SLC6A6: variants seen among roughly 807,000 people sequenced by gnomAD.
SLC6A6 encodes solute carrier family 6 member 6.
Under a neutral mutation model 68.8 loss-of-function variants are expected in SLC6A6, and 16 were observed. The ratio of observed to expected loss-of-function variants is 0.23; its 90% confidence interval spans 0.16 to 0.35. SLC6A6 has a LOEUF of 0.35. SLC6A6 is among the 10% of genes least tolerant of loss of function. The pLI, the probability that SLC6A6 is intolerant of heterozygous loss-of-function variation, is 1.00. For missense variants in SLC6A6, 474 were observed against 802.8 expected (o/e 0.59, Z 4.95); for synonymous variants, 312 against 315.4 (o/e 0.99, Z 0.12).
chr3:14,434,721 C>T (rs1295359626), intron 2 of SLC6A6, among the ~76,000 whole-genome samples: 3 of 152,190 alleles, frequency 2.0e-5, no homozygotes, highest in African/African-American at 7.2e-5. Flanking sequence ...TCATCTGGGG[C>T]AGCGCCAGCC....
chr3:14,461,564 G>A (rs1331756156), intron 6 of SLC6A6, among the ~76,000 whole-genome samples: 2 of 152,208 alleles, frequency 1.3e-5, no homozygotes, highest in African/African-American at 4.8e-5. Flanking sequence ...AGGAGGCCCC[G>A]GAGTGAGCAT....
rs78191018 is a variant in SLC6A6 at position 14,461,281 on chromosome 3, A to G, written c.732+3199A>G. 9.3e-3 allele frequency among the ~76,000 whole-genome samples: 1,415 copies of G among 152,270 alleles called. 22 individuals are homozygous for G. Among genetic ancestry groups the G allele is most frequent in the African/African-American group, 0.032 (1,343 of 41,544 alleles). On this transcript the variant is annotated intron_variant, in intron 6 of 14. Coordinates refer to ENST00000622186, the MANE Select transcript of SLC6A6 (RefSeq NM_003043.6). ...TGCAGTTATTAGTCCCATTTTACAG[A>G]TGGGGAAATTCAGGTTCAAGGAGGC...
intron 1 of SLC6A6, among the ~76,000 whole-genome samples, chr3:14,405,301 C>T (rs906913950): frequency 3.9e-5 from 6 of 152,196 alleles, no homozygotes; most frequent in African/African-American, 1.4e-4. Flanking sequence ...GGTCAGCCCT[C>T]CACAAGGCAG....
chr3:14,472,320 G>A lies in SLC6A6; in HGVS notation c.1209+3G>A. The A allele has an allele frequency of 1.3e-6, 2 of 1,553,556 alleles. No homozygotes were observed. Among genetic ancestry groups the A allele is most frequent in the East Asian group, 2.2e-5 (1 of 44,544 alleles). ...TCTTGCTTGGACTGGATAGCCAGGT[G>A]CGTATAAGGGATGGCCCTGGGGCGA... On this transcript the variant is annotated splice_donor_region_variant and intron_variant, in intron 10 of 14. Transcript: ENST00000622186. The surrounding 1 kb of genome is among the most constrained non-coding windows in gnomAD (Gnocchi z 4.5).
intron 1 of SLC6A6, among the ~76,000 whole-genome samples, chr3:14,405,570 C>A (rs904888595): frequency 1.2e-4 from 19 of 152,236 alleles, no homozygotes; most frequent in African/African-American, 4.6e-4. Flanking sequence ...GCCACCCTGG[C>A]AGGTACATGC....
chr3:14,483,006 G>A lies in SLC6A6; in HGVS notation c.1722+1165G>A, dbSNP rs1701043634. ...CAAAGGGTTCATTAGGGCACAGCAA[G>A]GGGTCTCTAAAGGTTCTGATTGGTC... On this transcript the variant is annotated intron_variant, in intron 14 of 14. Transcript: ENST00000622186. 2.6e-5 allele frequency among the ~76,000 whole-genome samples: 4 copies of A among 152,178 alleles called. No individual in the cohort carries two copies. The South Asian group carries it at 8.3e-4, about 32-fold the overall frequency.
rs1701009821 is a variant in SLC6A6 at position 14,481,634 on chromosome 3, C to G, written c.1552-37C>G. On this transcript the variant is annotated intron_variant, in intron 13 of 14. Transcript: ENST00000622186. This position sits in a 1 kb window ranked among gnomAD's most constrained non-coding sequence, Gnocchi z 4.7. ...CAGAAGCCCCCCACCCCCCGATGCC[C>G]AGGACCCCTCTCCTGACTGCCCCCA... 2 of 1,528,386 alleles carry G rather than the reference C, an allele frequency of 1.3e-6. No homozygotes were observed. Among genetic ancestry groups the G allele is most frequent in the African/African-American group, 1.4e-5 (1 of 73,134 alleles). The allele number at this position is 1,528,386 out of a possible 1,614,324, so 94.7% of individuals were successfully genotyped here.
Position 14,402,689 on chromosome 3 carries a change from C to A in SLC6A6, c.-212C>A. 1 of 398,294 alleles carries A rather than the reference C, an allele frequency of 2.5e-6. No individual in the cohort carries two copies. The highest frequency in any genetic ancestry group is 4.4e-6 in the Non-Finnish European group (1 of 225,844). The allele number at this position is 398,294 out of a possible 1,614,324, so 24.7% of individuals were successfully genotyped here. On this transcript the variant is annotated 5_prime_UTR_variant, in exon 1 of 15. Coordinates refer to ENST00000622186, the MANE Select transcript of SLC6A6 (RefSeq NM_003043.6). The surrounding 1 kb of genome is among the most constrained non-coding windows in gnomAD (Gnocchi z 4.8). ...ACCGCTTCCTTCGCGCCGCCGCCAA[C>A]GCCGAGCCCCGAGGACCGCAAGCCC...
rs763332742 is a variant in SLC6A6, at chr3:14,485,220, A to G, written c.*213A>G. ...TGTTTTGATTTGGGGGATATTTTGT[A>G]CAAAAAGAAAACCCACGGGAAGATG... On this transcript the variant is annotated 3_prime_UTR_variant, in exon 15 of 15. Transcript: ENST00000622186. The G allele has an allele frequency of 5.0e-6, 2 of 402,672 alleles. No individual in the cohort carries two copies. The highest frequency in any genetic ancestry group is 8.8e-6 in the Non-Finnish European group (2 of 227,856). The allele number at this position is 402,672 out of a possible 1,614,324, so 24.9% of individuals were successfully genotyped here. A position where few individuals can be genotyped will look rare whatever the true frequency, so the allele number is the denominator to read the frequency against.
chr3:14,405,382 G>C (rs1156567), intron 1 of SLC6A6, among the ~76,000 whole-genome samples: 112,640 of 152,236 alleles, frequency 0.74, 45,145 homozygotes, highest in South Asian at 0.9. Context: ...GATTTGGGAG[G>C]TGTACTTCTC....
At position 14,481,802 on chromosome 3, in the gene SLC6A6, C is replaced by T. The variant is rs750429596; in HGVS notation, c.1683C>T (p.Ile561=). Residue 561 remains isoleucine, a synonymous_variant, in exon 14 of 15, where the codon ATC becomes ATT. Coordinates refer to ENST00000622186, the MANE Select transcript of SLC6A6 (RefSeq NM_003043.6). This position sits in a 1 kb window ranked among gnomAD's most constrained non-coding sequence, Gnocchi z 4.7. ...CCATGCTCTGCGTTCCCTTGGTCAT[C>T]GTCATCCGCCTCTGCCAGACTGAGG... ...LSSMLCVPLV[I]VIRLCQTEGP... 4.3e-6 allele frequency: 7 copies of T among 1,613,976 alleles called. No homozygotes were observed. The highest frequency in any genetic ancestry group is 3.3e-5 in the Admixed American group (2 of 59,994).
intron 2 of SLC6A6, 34 bp from the exon 3 acceptor site, chr3:14,443,590 C>A: frequency 7.1e-7 from 1 of 1,408,996 alleles, no homozygotes; most frequent in Non-Finnish European, 9.9e-7. Flanking sequence ...GGTCCCTCAT[C>A]AGCTGCAGGA....
chr3:14,409,917 C>G (rs558653063), intron 1 of SLC6A6, among the ~76,000 whole-genome samples: 16 of 152,166 alleles, frequency 1.1e-4, no homozygotes, highest in Admixed American at 6.5e-5. Context: ...GCCAGGCACA[C>G]TGGCTCACGT....
At chr3:14,424,568 G>C (rs907139958) in intron 2 of SLC6A6, among the ~76,000 whole-genome samples, 42 of 152,078 alleles carry the variant, frequency 2.8e-4, no homozygotes, top group Non-Finnish European at 5.7e-4. Context: ...TAGGGGGTGG[G>C]GTTGGGTCTG....
At chr3:14,480,588 T>C (rs1700984567) in intron 13 of SLC6A6, among the ~76,000 whole-genome samples, 1 of 152,226 alleles carries the variant, frequency 6.6e-6, no homozygotes, top group Non-Finnish European at 1.5e-5. Context: ...AGACGTGCAG[T>C]TGGTGCCCAG....
chr3:14,475,256 T>A (rs1389129546), intron 10 of SLC6A6, among the ~76,000 whole-genome samples: 1 of 151,964 alleles, frequency 6.6e-6, no homozygotes, highest in East Asian at 1.9e-4. Context: ...GGTCTCGAAC[T>A]CCTGACCTCA....
In SLC6A6 at chr3:14,450,268, C is replaced by T. The variant is rs75391840; in HGVS notation, c.599+2452C>T. Among the ~76,000 whole-genome samples the T allele has an allele frequency of 0.011, 1,702 of 152,200 alleles. 34 individuals carry two copies. The highest frequency in any genetic ancestry group is 0.039 in the African/African-American group (1,632 of 41,514). ...CCTCAGGTTGGCCAGTCCTCACTCACACCTTCCAGAGGGACCGGGCCCTCG... is the reference window on the plus strand; with the variant it reads ...CCTCAGGTTGGCCAGTCCTCACTCATACCTTCCAGAGGGACCGGGCCCTCG... On this transcript the variant is annotated intron_variant, in intron 5 of 14. Coordinates refer to ENST00000622186, the MANE Select transcript of SLC6A6 (RefSeq NM_003043.6). The surrounding 1 kb of genome is among the most constrained non-coding windows in gnomAD (Gnocchi z 4.1).
intron 6 of SLC6A6, among the ~76,000 whole-genome samples, chr3:14,463,612 G>T (rs959345891): frequency 6.6e-6 from 1 of 152,230 alleles, no homozygotes; most frequent in Admixed American, 6.5e-5. Context: ...TGGTCGGGGC[G>T]CCTGGCCGCC....
At chr3:14,482,068 G>A (rs1701022164) in intron 14 of SLC6A6, among the ~76,000 whole-genome samples, 1 of 152,236 alleles carries the variant, frequency 6.6e-6, no homozygotes, top group Non-Finnish European at 1.5e-5. Flanking sequence ...AAGCCGGGCT[G>A]TGGGGTGAGG....
Sources: gnomAD v4.1 joint callset for allele counts (sites outside exome capture counted in the v4.1 genomes callset) on GRCh38, gnomAD v4.1.1 for gene constraint, Gnocchi (gnomAD v3.1) non-coding constraint, MANE v1.5 for transcripts, NCBI Gene and HGNC (gene_info 2026-07-23, HGNC 2026-07-21) for gene names.